Variants in ATG10 observed in about 807,000 individuals in gnomAD.
ATG10 encodes the protein ubiquitin-like-conjugating enzyme ATG10.
Under a neutral mutation model 32.1 loss-of-function variants are expected in ATG10, and 30 were observed. The ratio of observed to expected loss-of-function variants is 0.94; its 90% CI spans 0.70 to 1.27. The LOEUF (loss-of-function observed/expected upper bound fraction) is 1.27. ATG10 is among the 50% of genes most tolerant of loss of function. The pLI is 0.00. For missense variants in ATG10, 233 were observed against 262.3 expected (o/e 0.89, Z 0.77); for synonymous variants, 87 against 91.5 (o/e 0.95, Z 0.28).
intron 5 of ATG10, among the ~76,000 whole-genome samples, chr5:82,202,481 A>G (rs1745106070): frequency 6.6e-6 from 1 of 152,210 alleles, no homozygotes; most frequent in Non-Finnish European, 1.5e-5. Context: ...TCCTTGAAAT[A>G]AATCTCTGTC....
chr5:82,128,529 T>C (rs1276824578), intron 3 of ATG10, among the ~76,000 whole-genome samples: 1 of 151,884 alleles, frequency 6.6e-6, no homozygotes, highest in Non-Finnish European at 1.5e-5. Context: ...AAGGATTTTA[T>C]TTCTCCTTCA....
At chr5:82,212,032 G>A (rs561854236) in intron 5 of ATG10, among the ~76,000 whole-genome samples, 13 of 152,264 alleles carry the variant, frequency 8.5e-5, no homozygotes, top group South Asian at 6.2e-4. Flanking sequence ...GAATCTCAAC[G>A]GACATGCAAA....
intron 2 of ATG10, among the ~76,000 whole-genome samples, chr5:81,995,839 A>G (rs1437649780): frequency 1.3e-5 from 2 of 152,218 alleles, no homozygotes; most frequent in Non-Finnish European, 2.9e-5. Context: ...TGTGTAGGTT[A>G]TTTAAAAGTC....
chr5:82,139,821 C>T (rs868157877), intron 3 of ATG10, among the ~76,000 whole-genome samples: 7,513 of 139,188 alleles, frequency 0.054, 136 homozygotes, highest in Non-Finnish European at 0.079. Context: ...CGGCCAGCCA[C>T]CCCATCCGGG....
At chr5:82,205,364 T>G (rs1745250266) in intron 5 of ATG10, among the ~76,000 whole-genome samples, 1 of 152,140 alleles carries the variant, frequency 6.6e-6, no homozygotes, top group African/African-American at 2.4e-5. Context: ...GAGAATTTTA[T>G]TTTTCATTGT....
At chr5:82,185,203 G>C (rs763951716) in intron 5 of ATG10, among the ~76,000 whole-genome samples, 23 of 152,206 alleles carry the variant, frequency 1.5e-4, no homozygotes, top group Non-Finnish European at 3.2e-4. Context: ...TGAGGAGAGA[G>C]AGTTGTATAT....
At chr5:82,175,277 A>G (rs1191350309) in intron 4 of ATG10, among the ~76,000 whole-genome samples, 1 of 152,158 alleles carries the variant, frequency 6.6e-6, no homozygotes, top group Admixed American at 6.5e-5. Flanking sequence ...ACTGAGGTAA[A>G]TACTTTCCTG....
chr5:81,979,637 A>T (rs2149654173), intron 1 of ATG10, among the ~76,000 whole-genome samples: 1 of 151,734 alleles, frequency 6.6e-6, no homozygotes, highest in Non-Finnish European at 1.5e-5. Context: ...CATTTGTTGC[A>T]GTGGGTGAAG....
At chr5:82,086,614 A>G (rs1474923236) in intron 3 of ATG10, among the ~76,000 whole-genome samples, 1 of 152,168 alleles carries the variant, frequency 6.6e-6, no homozygotes, top group Non-Finnish European at 1.5e-5. Flanking sequence ...ACATAGTTCA[A>G]GAGACCAACA....
At chr5:82,246,457 G>T (rs1401394647) in intron 5 of ATG10, among the ~76,000 whole-genome samples, 1 of 150,716 alleles carries the variant, frequency 6.6e-6, no homozygotes, top group African/African-American at 2.4e-5. Flanking sequence ...GGGAGATTAA[G>T]GTGGAAGGAT....
chr5:82,204,493 T>G (rs1298251538), intron 5 of ATG10, among the ~76,000 whole-genome samples: 1 of 152,222 alleles, frequency 6.6e-6, no homozygotes, highest in Non-Finnish European at 1.5e-5. Context: ...GTCTCTGTTC[T>G]CTTGAATCTT....
intron 5 of ATG10, among the ~76,000 whole-genome samples, chr5:82,236,708 G>A (rs895795291): frequency 2.0e-5 from 3 of 152,150 alleles, no homozygotes; most frequent in African/African-American, 7.2e-5. Flanking sequence ...GGTTTTGTTT[G>A]TTTGTTGTTG....
chr5:82,165,178 G>A (rs535546123), intron 4 of ATG10, among the ~76,000 whole-genome samples: 11 of 152,136 alleles, frequency 7.2e-5, no homozygotes, highest in Non-Finnish European at 1.2e-4. Flanking sequence ...ATGGCTTCCC[G>A]CTTAGAGTCC....
chr5:81,978,054 T>C (rs1005903696), intron 1 of ATG10, among the ~76,000 whole-genome samples: 2 of 152,226 alleles, frequency 1.3e-5, no homozygotes, highest in African/African-American at 4.8e-5. Flanking sequence ...GCACTGATTC[T>C]GTAGCTTCTG....
chr5:82,137,454 C>T (rs1235650694), intron 3 of ATG10, among the ~76,000 whole-genome samples: 1 of 152,152 alleles, frequency 6.6e-6, no homozygotes, highest in Non-Finnish European at 1.5e-5. Context: ...TCTTACTGTC[C>T]TTCTAACAGT....
intron 4 of ATG10, among the ~76,000 whole-genome samples, chr5:82,175,810 T>C (rs1170573653): frequency 3.3e-5 from 5 of 151,878 alleles, no homozygotes; most frequent in Non-Finnish European, 5.9e-5. Flanking sequence ...GTTTTCACCA[T>C]AGTATGTATC....
At chr5:82,130,111 G>A (rs1385548136) in intron 3 of ATG10, among the ~76,000 whole-genome samples, 1 of 152,192 alleles carries the variant, frequency 6.6e-6, no homozygotes, top group East Asian at 1.9e-4. Flanking sequence ...GCTCCGCCCA[G>A]TTTGAACTTC....
intron 3 of ATG10, among the ~76,000 whole-genome samples, chr5:82,089,361 A>G (rs1461307184): frequency 2.0e-5 from 3 of 151,990 alleles, no homozygotes; most frequent in East Asian, 1.9e-4. Context: ...AAAAGATTGC[A>G]TGGTATTAGT....
At chr5:82,059,863 T>G (rs961592008) in intron 3 of ATG10, among the ~76,000 whole-genome samples, 1 of 152,190 alleles carries the variant, frequency 6.6e-6, no homozygotes, top group Admixed American at 6.5e-5. Flanking sequence ...TGAATCTTGA[T>G]TACTGCTTCA....
Sources: gnomAD v4.1 joint callset for allele counts (sites outside exome capture counted in the v4.1 genomes callset) on GRCh38, gnomAD v4.1.1 for gene constraint, MANE v1.5 for transcripts, NCBI Gene and HGNC (gene_info 2026-07-23, HGNC 2026-07-21) for gene names.